The following AMMECR1 variants were observed in gnomAD, a reference collection of about 807,000 sequenced individuals.
AMMECR1 encodes AMMECR nuclear protein 1.
AMMECR1 carries 3 observed loss-of-function variants against 22.5 expected under a neutral mutation model. That is an observed-to-expected ratio of 0.13 (90% CI 0.06 to 0.35). The LOEUF (loss-of-function observed/expected upper bound fraction) is 0.35. Ranked by LOEUF, AMMECR1 falls within the 10% of genes least tolerant of loss-of-function variation. AMMECR1 has a pLI of 1.00. For synonymous variants in AMMECR1, 130 were observed against 116.7 expected, an observed-to-expected ratio of 1.11 and a Z score of -0.74; for missense variants, 235 against 278.7, an observed-to-expected ratio of 0.84 and a Z score of 1.12.
At chrX:110,211,211 C>T (rs2067446310) in intron 3 of AMMECR1, among the ~76,000 whole-genome samples, 1 of 112,561 alleles carries the variant, frequency 8.9e-6, no homozygotes, top group Non-Finnish European at 1.9e-5. Context: ...GTAAAAGACG[C>T]TTGATTACAA....
At chrX:110,307,868 T>C (rs1042560113) in intron 1 of AMMECR1, among the ~76,000 whole-genome samples, 64 of 84,583 alleles carry the variant, frequency 7.6e-4, no homozygotes, top group Non-Finnish European at 1.3e-3. Context: ...TTTTTTCTTT[T>C]TTTTTTTTTT....
At chrX:110,430,464 A>G (rs750806289) in intron 1 of AMMECR1, among the ~76,000 whole-genome samples, 51 of 112,346 alleles carry the variant, frequency 4.5e-4, no homozygotes, top group African/African-American at 1.5e-3. Flanking sequence ...CAGGCTGAAT[A>G]ACTTGGCCAA....
chrX:110,366,572 G>A (rs1169974489), intron 2 of AMMECR1, among the ~76,000 whole-genome samples: 1 of 111,345 alleles, frequency 9.0e-6, no homozygotes, highest in Non-Finnish European at 1.9e-5. Context: ...CTGTCCCTCA[G>A]CCCCCTAGTG....
At chrX:110,365,173 T>C (rs1439532118) in intron 2 of AMMECR1, among the ~76,000 whole-genome samples, 2 of 111,832 alleles carry the variant, frequency 1.8e-5, no homozygotes, top group Non-Finnish European at 3.8e-5. Context: ...GTCCACTGAG[T>C]GACACCTGGG....
chrX:110,272,545 T>C (rs1358729292), intron 1 of AMMECR1, among the ~76,000 whole-genome samples: 1 of 112,258 alleles, frequency 8.9e-6, no homozygotes, highest in Non-Finnish European at 1.9e-5. Flanking sequence ...AGGGTTTACA[T>C]GTGCTTGTTG....
intron 2 of AMMECR1, among the ~76,000 whole-genome samples, chrX:110,229,146 T>C (rs777492163): frequency 8.9e-6 from 1 of 112,543 alleles, no homozygotes; most frequent in African/African-American, 3.2e-5. Flanking sequence ...AAACCTACTT[T>C]CCAATCTCAA....
In AMMECR1 at chrX:110,306,289, G is replaced by A. The variant is rs747204111; in HGVS notation, c.473+11310C>T. Among the ~76,000 whole-genome samples the A allele has an allele frequency of 1.4e-4, 15 of 109,892 alleles. No homozygotes were observed. The South Asian group carries it at 3.2e-3, about 23-fold the overall frequency. The stretch of plus-strand genomic sequence containing the variant: ...AGCCTGGCCAACAGAGCAAGACTCC[G>A]TCTCGAAAAATAAAATAAAATAAAA... On this transcript the variant is annotated intron_variant, in intron 1 of 5. Coordinates refer to ENST00000262844, the MANE Select transcript of AMMECR1 (RefSeq NM_015365.3).
At chrX:110,274,930 A>G in intron 1 of AMMECR1, among the ~76,000 whole-genome samples, 1 of 111,847 alleles carries the variant, frequency 8.9e-6, no homozygotes, top group East Asian at 2.8e-4. Context: ...ATTGCAACCT[A>G]CTTTCAGCTA....
At chrX:110,205,626 A>T (rs770749539) in intron 3 of AMMECR1, among the ~76,000 whole-genome samples, 7 of 111,973 alleles carry the variant, frequency 6.3e-5, no homozygotes, top group African/African-American at 2.3e-4. Flanking sequence ...CCACTGTTTG[A>T]AGTACAGCCA....
chrX:110,240,123 T>C (rs925474499), intron 2 of AMMECR1, among the ~76,000 whole-genome samples: 3 of 111,061 alleles, frequency 2.7e-5, no homozygotes, highest in African/African-American at 9.8e-5. Context: ...GTAAAGATCA[T>C]TGACACTATG....
intron 1 of AMMECR1, among the ~76,000 whole-genome samples, chrX:110,305,071 T>C (rs1438437427): frequency 1.8e-5 from 2 of 112,607 alleles, no homozygotes; most frequent in African/African-American, 3.2e-5. Context: ...TCATTATTTG[T>C]TTCATGAATC....
chrX:110,291,350 C>T (rs1345677544), intron 1 of AMMECR1, among the ~76,000 whole-genome samples: 2 of 110,034 alleles, frequency 1.8e-5, no homozygotes, highest in Non-Finnish European at 3.8e-5. Context: ...TGGTGAAACC[C>T]CATCTCTAGT....
intron 2 of AMMECR1, among the ~76,000 whole-genome samples, chrX:110,244,491 G>C (rs1043751869): frequency 2.7e-5 from 3 of 111,865 alleles, no homozygotes; most frequent in Non-Finnish European, 5.6e-5. Context: ...GTCCATAGAG[G>C]TTCGGCTTAC....
chrX:110,280,200 C>T (rs1188754781), intron 1 of AMMECR1, among the ~76,000 whole-genome samples: 1 of 111,262 alleles, frequency 9.0e-6, no homozygotes, highest in East Asian at 2.8e-4. Flanking sequence ...TGTCAGTGGT[C>T]ACATAGCTGC....
At chrX:110,429,910 A>G (rs1361790234) in intron 1 of AMMECR1, among the ~76,000 whole-genome samples, 1 of 112,326 alleles carries the variant, frequency 8.9e-6, no homozygotes, top group Admixed American at 9.4e-5. Flanking sequence ...GTCTTTGAAG[A>G]CCTGATTCTG....
intron 2 of AMMECR1, among the ~76,000 whole-genome samples, chrX:110,400,012 C>A (rs948876377): frequency 9.1e-5 from 10 of 110,444 alleles, no homozygotes; most frequent in African/African-American, 3.3e-4. Context: ...TTCATTATAG[C>A]AATTCAACAT....
At chrX:110,336,759 T>C in intron 2 of AMMECR1, among the ~76,000 whole-genome samples, 1 of 110,655 alleles carries the variant, frequency 9.0e-6, no homozygotes, top group African/African-American at 3.3e-5. Context: ...TTGATGAAAT[T>C]AATGTAGGAA....
At chrX:110,235,689 C>A (rs746623538) in intron 2 of AMMECR1, among the ~76,000 whole-genome samples, 5 of 111,727 alleles carry the variant, frequency 4.5e-5, no homozygotes, top group Middle Eastern at 4.2e-3. Context: ...TGGAAACCAT[C>A]ATTCTCAGCA....
chrX:110,221,928 T>C (rs1455114853), intron 2 of AMMECR1, among the ~76,000 whole-genome samples: 1 of 108,179 alleles, frequency 9.2e-6, no homozygotes, highest in African/African-American at 3.4e-5. Context: ...ATGGCAATCA[T>C]TAAAAAGTCA....
Sources: gnomAD v4.1 joint callset for allele counts (sites outside exome capture counted in the v4.1 genomes callset) on GRCh38, gnomAD v4.1.1 for gene constraint, MANE v1.5 for transcripts, NCBI Gene and HGNC (gene_info 2026-07-23, HGNC 2026-07-21) for gene names.